The following UACA variants were observed in gnomAD, a reference collection of about 807,000 sequenced individuals.
UACA encodes the protein uveal autoantigen with coiled-coil domains and ankyrin repeats.
In UACA, 112 loss-of-function variants were observed where a neutral mutation model predicts 160.5. That is an observed-to-expected ratio of 0.70 (90% CI 0.60 to 0.82). The LOEUF (loss-of-function observed/expected upper bound fraction) is 0.82, where lower values mean the gene tolerates loss of function less well. Among genes scored for constraint, UACA ranks in the 40% least tolerant of loss-of-function variants. The pLI is 0.00. For missense variants in UACA, 1,574 were observed against 1,614.6 expected, an observed-to-expected ratio of 0.97 and a Z score of 0.43; for synonymous variants, 557 against 568.4, an observed-to-expected ratio of 0.98 and a Z score of 0.29.
At chr15:70,704,773 T>G (rs376301244) in intron 1 of UACA, among the ~76,000 whole-genome samples, 14 of 152,300 alleles carry the variant, frequency 9.2e-5, no homozygotes, top group African/African-American at 2.9e-4. Context: ...AGAGTTACTC[T>G]TAAAAGAAAA....
intron 3 of UACA, among the ~76,000 whole-genome samples, chr15:70,692,654 C>G (rs1897980771): frequency 6.6e-6 from 1 of 152,062 alleles, no homozygotes; most frequent in Non-Finnish European, 1.5e-5. Flanking sequence ...CCTGTAGTCC[C>G]AGCGACTCAG....
At chr15:70,736,865 T>C (rs934730650) in intron 1 of UACA, among the ~76,000 whole-genome samples, 2 of 152,254 alleles carry the variant, frequency 1.3e-5, no homozygotes, top group African/African-American at 4.8e-5. Flanking sequence ...TTGTAGTAAA[T>C]AAATGCTTAT....
intron 5 of UACA, 119 bp from the exon 6 acceptor site, chr15:70,687,939 C>T: frequency 2.2e-6 from 2 of 890,380 alleles, no homozygotes; most frequent in South Asian, 3.3e-5. Context: ...GCTTCACGTC[C>T]TTCACTCTTA....
the UACA span, among the ~76,000 whole-genome samples, chr15:70,768,580 G>A: frequency 6.6e-6 from 1 of 151,936 alleles, no homozygotes; most frequent in Non-Finnish European, 1.5e-5. Context: ...ATGGTTGAAA[G>A]GCAAAAAAAA....
At chr15:70,744,520 G>A (rs1171250867) in intron 1 of UACA, among the ~76,000 whole-genome samples, 2 of 152,124 alleles carry the variant, frequency 1.3e-5, no homozygotes, top group Non-Finnish European at 2.9e-5. Context: ...CCTAGCCAGA[G>A]AAGAGAACTA....
intron 1 of UACA, among the ~76,000 whole-genome samples, chr15:70,739,876 C>G (rs1339635778): frequency 6.6e-6 from 1 of 152,156 alleles, no homozygotes; most frequent in Non-Finnish European, 1.5e-5. Context: ...ATCTCCAACC[C>G]TTCTCTTCCC....
chr15:70,665,885 A>C (rs188079915), intron 16 of UACA, among the ~76,000 whole-genome samples: 2 of 152,316 alleles, frequency 1.3e-5, no homozygotes, highest in East Asian at 3.9e-4. Flanking sequence ...TTACATGTTG[A>C]ATGGATAAAA....
chr15:70,693,926 G>A (rs1898032899), intron 3 of UACA, among the ~76,000 whole-genome samples: 1 of 152,136 alleles, frequency 6.6e-6, no homozygotes, highest in Admixed American at 6.6e-5. Context: ...CAGATAAATT[G>A]AATTTGGTCT....
In UACA at chr15:70,669,408, G is replaced by A; in HGVS notation, c.1276C>T (p.Leu426=). Residue 426 remains leucine, a synonymous_variant, in exon 16 of 19, where the codon CTG becomes TTG. Transcript: ENST00000322954. ...HMQSRSMLRP[L]ELSLPSQTSY... is the part of the protein sequence containing the mutation. ...GTTTGACTGGGTAAAGATAGTTCCA[G>A]AGGTCTTAACATAGATCTGCTTTGC... 1 of 1,613,156 alleles carries A rather than the reference G, an allele frequency of 6.2e-7. No individual in the cohort carries two copies. The highest frequency in any genetic ancestry group is 8.5e-7 in the Non-Finnish European group (1 of 1,179,750).
In UACA at chr15:70,656,408, G is replaced by A. The variant is rs1896475131; in HGVS notation, c.*648C>T. Reference sequence around the variant, plus strand: ...TAAGGCAATTTTATTATAAATTCCTGATATATTCCACCCCTGCCTGTTCTT... The same window carrying A: ...TAAGGCAATTTTATTATAAATTCCTAATATATTCCACCCCTGCCTGTTCTT... On this transcript the variant is annotated 3_prime_UTR_variant, in exon 19 of 19. Transcript: ENST00000322954. The A allele has an allele frequency of 6.6e-6, 1 of 152,006 alleles. No individual in the cohort carries two copies. Among genetic ancestry groups the A allele is most frequent in the Non-Finnish European group, 1.5e-5 (1 of 68,000 alleles). The allele number at this position is 152,006 out of a possible 1,614,324, so 9.4% of individuals were successfully genotyped here. A position where few individuals can be genotyped will look rare whatever the true frequency, so the allele number is the denominator to read the frequency against.
rs188756597 is a variant in UACA, at chr15:70,756,101, G to T, written c.78+7229C>A. ...ACTAGCTCTTTCTAATTACAGTACA[G>T]AAATTTTAGGACATACGCTAAATAC... On this transcript the variant is annotated intron_variant, in intron 1 of 18. Coordinates refer to ENST00000322954, the MANE Select transcript of UACA (RefSeq NM_018003.4). 2.0e-5 allele frequency among the ~76,000 whole-genome samples: 3 copies of T among 152,124 alleles called. No homozygotes were observed. The East Asian group carries it at 5.8e-4, about 29-fold the overall frequency.
chr15:70,750,763 C>T (rs1190168755), intron 1 of UACA, among the ~76,000 whole-genome samples: 1 of 152,112 alleles, frequency 6.6e-6, no homozygotes, highest in African/African-American at 2.4e-5. Flanking sequence ...CCCAGCTACG[C>T]ACTTGCTGCA....
intron 1 of UACA, among the ~76,000 whole-genome samples, chr15:70,721,565 T>G (rs971938398): frequency 6.6e-6 from 1 of 151,432 alleles, no homozygotes; most frequent in African/African-American, 2.4e-5. Context: ...AGGCAGAGCT[T>G]GCAGTGAGCC....
chr15:70,776,316 C>A, the UACA span, among the ~76,000 whole-genome samples: 1 of 152,078 alleles, frequency 6.6e-6, no homozygotes, highest in South Asian at 2.1e-4. Flanking sequence ...TTACTAAGTG[C>A]CAGGCACTGT....
chr15:70,656,241 G>A lies in UACA; in HGVS notation c.*815C>T, dbSNP rs1356738621. On this transcript the variant is annotated 3_prime_UTR_variant, in exon 19 of 19. Transcript: ENST00000322954. ...ATATAATGAGTGCTTGGTTACTATAGTAGCGAATGTCAAACTAATTGCTAA... is the reference window on the plus strand; with the variant it reads ...ATATAATGAGTGCTTGGTTACTATAATAGCGAATGTCAAACTAATTGCTAA... 3 of 152,044 alleles carry A rather than the reference G, an allele frequency of 2.0e-5. No individual in the cohort carries two copies. The highest frequency in any genetic ancestry group is 2.0e-4 in the Admixed American group (3 of 15,274). The allele number at this position is 152,044 out of a possible 1,614,324, so 9.4% of individuals were successfully genotyped here. A position where few individuals can be genotyped will look rare whatever the true frequency, so the allele number is the denominator to read the frequency against.
chr15:70,697,470 G>A (rs1000543953), intron 2 of UACA, among the ~76,000 whole-genome samples: 3 of 152,150 alleles, frequency 2.0e-5, no homozygotes, highest in South Asian at 4.1e-4. Context: ...GGAGAGAGGC[G>A]AACAGAAAGA....
chr15:70,773,090 A>G, the UACA span, among the ~76,000 whole-genome samples: 2 of 152,062 alleles, frequency 1.3e-5, no homozygotes, highest in Non-Finnish European at 2.9e-5. Flanking sequence ...ACAGAAAAAA[A>G]AAGGTACCAG....
At chr15:70,704,122 G>A (rs554150009) in intron 1 of UACA, among the ~76,000 whole-genome samples, 1 of 152,164 alleles carries the variant, frequency 6.6e-6, no homozygotes, top group East Asian at 1.9e-4. Context: ...TCTGTGTCTG[G>A]TTTGAAACTA....
intron 1 of UACA, among the ~76,000 whole-genome samples, chr15:70,726,813 C>G (rs760428830): frequency 1.1e-4 from 16 of 152,090 alleles, no homozygotes; most frequent in African/African-American, 3.9e-4. Flanking sequence ...CAAAGTTATA[C>G]AAAGAATCAC....
Sources: gnomAD v4.1 joint callset for allele counts (sites outside exome capture counted in the v4.1 genomes callset) on GRCh38, gnomAD v4.1.1 for gene constraint, MANE v1.5 for transcripts, NCBI Gene and HGNC (gene_info 2026-07-23, HGNC 2026-07-21) for gene names.